EPHA6: variants seen among roughly 807,000 people sequenced by gnomAD.
The protein encoded by EPHA6 is EPH receptor A6, also known as ephrin type-A receptor 6.
EPHA6 carries 50 observed loss-of-function variants against 112.0 expected under a neutral mutation model. The ratio of observed to expected loss-of-function variants is 0.45; its 90% confidence interval spans 0.36 to 0.56. EPHA6 has a LOEUF of 0.56. Ranked by LOEUF, EPHA6 falls within the 20% of genes least tolerant of loss-of-function variation. The pLI is 0.00. For missense variants in EPHA6, 1,280 were observed against 1,417.4 expected (o/e 0.90, Z 1.56); for synonymous variants, 529 against 490.7 (o/e 1.08, Z -1.03).
intron 14 of EPHA6, among the ~76,000 whole-genome samples, chr3:97,676,866 G>C (rs2031436445): frequency 6.6e-6 from 1 of 152,108 alleles, no homozygotes; most frequent in Non-Finnish European, 1.5e-5. Flanking sequence ...CTAAAATCGA[G>C]GATGAAGAAG....
chr3:96,957,137 T>C (rs1406074762), intron 2 of EPHA6, among the ~76,000 whole-genome samples: 1 of 151,958 alleles, frequency 6.6e-6, no homozygotes, highest in Non-Finnish European at 1.5e-5. Context: ...AAAGCAGGAA[T>C]GTGCTGAGTG....
At chr3:97,363,171 AATAT>A (rs58214738) in intron 5 of EPHA6, among the ~76,000 whole-genome samples, 7 of 51,454 alleles carry the variant, frequency 1.4e-4, no homozygotes, top group African/African-American at 1.4e-4. Flanking sequence ...TTGCCCCTGC[AATAT>A]ATATATATAT....
At chr3:97,330,525 G>A (rs924469909) in intron 5 of EPHA6, among the ~76,000 whole-genome samples, 2 of 152,068 alleles carry the variant, frequency 1.3e-5, no homozygotes, top group South Asian at 4.2e-4. Context: ...CTTTGACGAG[G>A]TCCTTCACAT....
intron 3 of EPHA6, among the ~76,000 whole-genome samples, chr3:97,077,981 G>A (rs78929874): frequency 0.13 from 19,756 of 152,004 alleles, 2,124 homozygotes; most frequent in African/African-American, 0.3. Flanking sequence ...TGTCTTCCAC[G>A]ATGGTTGAAC....
chr3:97,530,628 G>A (rs2092685189), intron 10 of EPHA6, among the ~76,000 whole-genome samples: 1 of 150,380 alleles, frequency 6.6e-6, no homozygotes. Context: ...TCTTGTGTTT[G>A]TTGCCAAATT....
intron 3 of EPHA6, among the ~76,000 whole-genome samples, chr3:97,126,975 A>C (rs1399870677): frequency 6.6e-6 from 1 of 151,970 alleles, no homozygotes; most frequent in Admixed American, 6.6e-5. Flanking sequence ...AATAACAAGG[A>C]AAAAGACTGC....
chr3:97,270,909 A>T (rs2079856107), intron 5 of EPHA6, among the ~76,000 whole-genome samples: 1 of 152,222 alleles, frequency 6.6e-6, no homozygotes, highest in Non-Finnish European at 1.5e-5. Context: ...ATTCCCAGTC[A>T]TAAAGTAGTC....
At chr3:97,294,686 G>A (rs1355042634) in intron 5 of EPHA6, among the ~76,000 whole-genome samples, 1 of 152,062 alleles carries the variant, frequency 6.6e-6, no homozygotes, top group African/African-American at 2.4e-5. Context: ...TCATTTGTGT[G>A]ATTGCTCTAC....
intron 1 of EPHA6, among the ~76,000 whole-genome samples, chr3:96,861,893 A>G (rs76535933): frequency 0.023 from 3,467 of 152,044 alleles, 138 homozygotes; most frequent in African/African-American, 0.079. Flanking sequence ...GGACCATACC[A>G]GGAGTCAACA....
rs74910718 is a variant in EPHA6 at position 96,913,510 on chromosome 3, A to G, written c.450+46621A>G. Among the ~76,000 whole-genome samples, 281 of 152,238 alleles carry G rather than the reference A, an allele frequency of 1.8e-3. 10 individuals carry two copies. The East Asian group carries it at 0.046, about 25-fold the overall frequency. On this transcript the variant is annotated intron_variant, in intron 2 of 17. Transcript: ENST00000389672. Reference sequence around the variant, plus strand: ...ATTTTTTTTCATAGAGAAGCTCTCTAATTTTCTAAACCCAGTCATATCCGC... The same window carrying G: ...ATTTTTTTTCATAGAGAAGCTCTCTGATTTTCTAAACCCAGTCATATCCGC...
chr3:96,876,386 A>G (rs1313732356), intron 2 of EPHA6, among the ~76,000 whole-genome samples: 2 of 151,568 alleles, frequency 1.3e-5, no homozygotes, highest in African/African-American at 4.8e-5. Context: ...CTCCATCATC[A>G]GTTTGACTCT....
chr3:97,633,124 G>T (rs1045145347), intron 13 of EPHA6, among the ~76,000 whole-genome samples: 1 of 152,044 alleles, frequency 6.6e-6, no homozygotes, highest in Non-Finnish European at 1.5e-5. Flanking sequence ...CAGATCTGGG[G>T]ATGCTGTGTT....
At chr3:97,328,078 T>TATATATATATATAAAA (rs1309698190) in intron 5 of EPHA6, among the ~76,000 whole-genome samples, 1 of 138,420 alleles carries the variant, frequency 7.2e-6, no homozygotes, top group African/African-American at 3.0e-5. Flanking sequence ...TATATATATA[T>TATATATATATATAAAA]AACCTGTTTT....
chr3:97,532,303 T>C (rs1157404545), intron 10 of EPHA6, 55 bp from the exon 11 acceptor site: 13 of 1,491,946 alleles, frequency 8.7e-6, no homozygotes, highest in African/African-American at 1.4e-5. Context: ...GTTTGACTCT[T>C]CTGAAATGTA....
intron 5 of EPHA6, among the ~76,000 whole-genome samples, chr3:97,338,183 C>A (rs1167991941): frequency 6.6e-6 from 1 of 151,918 alleles, no homozygotes. Context: ...GCAATCCTGC[C>A]ACATTGTACA....
At chr3:97,741,647 G>C (rs2035511072) in intron 16 of EPHA6, among the ~76,000 whole-genome samples, 1 of 152,008 alleles carries the variant, frequency 6.6e-6, no homozygotes, top group Non-Finnish European at 1.5e-5. Flanking sequence ...AGTAGATCAG[G>C]AATTTGAAGG....
At chr3:97,250,164 A>C (rs2079094728) in intron 5 of EPHA6, among the ~76,000 whole-genome samples, 1 of 152,248 alleles carries the variant, frequency 6.6e-6, no homozygotes, top group Non-Finnish European at 1.5e-5. Context: ...ATACGTCTGG[A>C]AAGTAACAAG....
intron 5 of EPHA6, among the ~76,000 whole-genome samples, chr3:97,362,130 T>C (rs2084403661): frequency 1.3e-5 from 2 of 152,148 alleles, no homozygotes; most frequent in Admixed American, 6.5e-5. Context: ...AACCACTTCA[T>C]TATGACACAA....
At chr3:97,304,941 A>C (rs764582507) in intron 5 of EPHA6, among the ~76,000 whole-genome samples, 2 of 152,118 alleles carry the variant, frequency 1.3e-5, no homozygotes, top group Non-Finnish European at 2.9e-5. Flanking sequence ...CTATCATCAG[A>C]GTGAACAGAA....
Sources: gnomAD v4.1 joint callset for allele counts (sites outside exome capture counted in the v4.1 genomes callset) on GRCh38, gnomAD v4.1.1 for gene constraint, MANE v1.5 for transcripts, NCBI Gene and HGNC (gene_info 2026-07-23, HGNC 2026-07-21) for gene names.